SENP7: variants seen among roughly 807,000 people sequenced by gnomAD.
The protein encoded by SENP7 is sentrin-specific protease 7.
SENP7 carries 64 observed loss-of-function variants against 141.2 expected under a neutral mutation model. The ratio of observed to expected loss-of-function variants is 0.45; its 90% confidence interval spans 0.37 to 0.56. SENP7 has a LOEUF of 0.56. Among genes scored for constraint, SENP7 ranks in the 20% least tolerant of loss-of-function variants. The pLI, the probability that SENP7 is intolerant of heterozygous loss-of-function variation, is 0.00. For synonymous variants in SENP7, 382 were observed against 426.4 expected (o/e 0.90, Z 1.28); for missense variants, 1,025 against 1,212.2 (o/e 0.85, Z 2.29).
intron 3 of SENP7, among the ~76,000 whole-genome samples, chr3:101,476,056 AAAGAACATTCTCCAT>A (rs1244688258): frequency 1.3e-5 from 2 of 152,174 alleles, no homozygotes; most frequent in Admixed American, 6.6e-5. Flanking sequence ...TCACGAGCAC[AAAGAACATTCTCCAT>A]ATGTTAGGCC....
intron 3 of SENP7, among the ~76,000 whole-genome samples, chr3:101,473,816 A>G (rs1416045849): frequency 6.6e-6 from 1 of 152,162 alleles, no homozygotes; most frequent in Non-Finnish European, 1.5e-5. Context: ...GCACGTGCCT[A>G]TCTCCTGAAT....
intron 4 of SENP7, among the ~76,000 whole-genome samples, chr3:101,423,051 T>C (rs773586223): frequency 3.9e-5 from 6 of 152,196 alleles, no homozygotes; most frequent in Admixed American, 1.3e-4. Flanking sequence ...GATGAAGGCA[T>C]TGTTTTCATG....
At chr3:101,333,136 T>A (rs188420225) in intron 17 of SENP7, 1 of 369,354 alleles carries the variant, frequency 2.7e-6, no homozygotes, top group Admixed American at 4.8e-5. Flanking sequence ...CAACTTAGTA[T>A]AAACACAGTT....
intron 3 of SENP7, among the ~76,000 whole-genome samples, chr3:101,487,470 T>C (rs2064779516): frequency 6.6e-6 from 1 of 152,076 alleles, no homozygotes; most frequent in South Asian, 2.1e-4. Context: ...TTAAATTAAG[T>C]TTCATTTGTC....
intron 4 of SENP7, among the ~76,000 whole-genome samples, chr3:101,443,373 T>C (rs1049602202): frequency 1.3e-5 from 2 of 151,890 alleles, no homozygotes; most frequent in African/African-American, 4.8e-5. Context: ...TAGTTTGAAG[T>C]CAGGTAGTGT....
intron 3 of SENP7, among the ~76,000 whole-genome samples, chr3:101,479,412 A>G (rs2064353332): frequency 6.6e-6 from 1 of 152,142 alleles, no homozygotes; most frequent in Non-Finnish European, 1.5e-5. Context: ...CCTGAGCAAC[A>G]TGGCAAGACA....
At chr3:101,489,280 CATA>C (rs1380936814) in intron 3 of SENP7, among the ~76,000 whole-genome samples, 5 of 152,176 alleles carry the variant, frequency 3.3e-5, no homozygotes, top group Non-Finnish European at 7.4e-5. Flanking sequence ...CAACCAACAA[CATA>C]ATGACAGGAT....
chr3:101,326,155 GAA>G, intron 23 of SENP7, 75 bp from the exon 24 acceptor site: 1 of 1,232,840 alleles, frequency 8.1e-7, no homozygotes, highest in Non-Finnish European at 1.1e-6. Context: ...ATTTTTATAA[GAA>G]ATGACAAATT....
chr3:101,366,469 G>A lies in SENP7; in HGVS notation c.1279C>T (p.His427Tyr), dbSNP rs2060040109. Residue 427 changes from histidine (H) to tyrosine (Y), a missense_variant, in exon 9 of 24, where the codon CAT (histidine) becomes TAT (tyrosine). Transcript: ENST00000394095. ...ATCAGTGATTGGTTCCCTTCATTAT[G>A]TCCTCTTAGAATAGGCTTTTCTATG... Reference protein sequence around the residue: ...NTIEKPILRGHNEGNQSLISA... With the variant: ...NTIEKPILRGYNEGNQSLISA... 6.2e-7 allele frequency: 1 copy of A among 1,612,016 alleles called. No homozygotes were observed. The highest frequency in any genetic ancestry group is 1.7e-5 in the Admixed American group (1 of 59,712).
chr3:101,339,330 A>G (rs2059269523), intron 16 of SENP7, among the ~76,000 whole-genome samples: 1 of 152,220 alleles, frequency 6.6e-6, no homozygotes, highest in African/African-American at 2.4e-5. Flanking sequence ...ATCTAGGTCT[A>G]GAGATACAGT....
intron 3 of SENP7, among the ~76,000 whole-genome samples, chr3:101,492,845 T>A (rs889677431): frequency 1.3e-5 from 2 of 151,658 alleles, no homozygotes; most frequent in Non-Finnish European, 1.5e-5. Flanking sequence ...AGAAAAAAAA[T>A]TTTAAGTAGC....
At chr3:101,326,718 C>CT (rs963429754) in intron 23 of SENP7, among the ~76,000 whole-genome samples, 3 of 152,074 alleles carry the variant, frequency 2.0e-5, no homozygotes, top group African/African-American at 7.2e-5. Context: ...GTTTTCTGAG[C>CT]TTCTTGAATA....
intron 4 of SENP7, among the ~76,000 whole-genome samples, chr3:101,434,192 T>C (rs1202868550): frequency 6.6e-6 from 1 of 152,018 alleles, no homozygotes; most frequent in Non-Finnish European, 1.5e-5. Context: ...AATGGGCCAA[T>C]GAAGACATTA....
At chr3:101,447,011 A>C (rs2062922641) in intron 4 of SENP7, among the ~76,000 whole-genome samples, 1 of 152,204 alleles carries the variant, frequency 6.6e-6, no homozygotes, top group South Asian at 2.1e-4. Flanking sequence ...AGACCAACCA[A>C]GAAAAAAAGA....
At chr3:101,437,508 C>A (rs2062436490) in intron 4 of SENP7, among the ~76,000 whole-genome samples, 1 of 151,638 alleles carries the variant, frequency 6.6e-6, no homozygotes, top group African/African-American at 2.4e-5. Flanking sequence ...CTAATATGTA[C>A]CCACAAAAAA....
intron 3 of SENP7, among the ~76,000 whole-genome samples, chr3:101,493,157 G>C (rs563566881): frequency 6.6e-6 from 1 of 152,250 alleles, no homozygotes; most frequent in African/African-American, 2.4e-5. Context: ...ACCAAATACT[G>C]CATGTTCTCA....
intron 4 of SENP7, among the ~76,000 whole-genome samples, chr3:101,446,731 A>G (rs1235788874): frequency 6.6e-6 from 1 of 152,198 alleles, no homozygotes; most frequent in Non-Finnish European, 1.5e-5. Flanking sequence ...ATGAAAACAG[A>G]AACACAACAT....
rs75780342 is a variant in SENP7 at position 101,359,633 on chromosome 3, A to G, written c.1623+2082T>C. ...AAATGACCAACAATTAAAAATTTTT[A>G]AAGACAACCCAAATATCCCAAAATA... On this transcript the variant is annotated intron_variant, in intron 11 of 23. Coordinates refer to ENST00000394095, the MANE Select transcript of SENP7 (RefSeq NM_020654.5). 7.6e-3 allele frequency among the ~76,000 whole-genome samples: 1,150 copies of G among 151,854 alleles called. 8 individuals are homozygous for G. Among genetic ancestry groups the G allele is most frequent in the Non-Finnish European group, 0.013 (866 of 67,898 alleles).
At chr3:101,348,551 G>A (rs1458564032) in intron 12 of SENP7, among the ~76,000 whole-genome samples, 2 of 152,018 alleles carry the variant, frequency 1.3e-5, no homozygotes, top group Non-Finnish European at 2.9e-5. Flanking sequence ...GCTATCATAG[G>A]CCAATTCCTG....
Sources: allele counts gnomAD v4.1 joint callset (sites outside exome capture counted in the v4.1 genomes callset), GRCh38; gene constraint gnomAD v4.1.1; transcripts MANE v1.5; gene names NCBI Gene and HGNC (gene_info 2026-07-23, HGNC 2026-07-21).